GRIK1: variants seen among roughly 807,000 people sequenced by gnomAD.
GRIK1 encodes the protein glutamate ionotropic receptor kainate type subunit 1.
In GRIK1, 69 loss-of-function variants were observed where a neutral mutation model predicts 105.7. The observed-to-expected ratio is 0.65, with a 90% CI of 0.54 to 0.80. The LOEUF (loss-of-function observed/expected upper bound fraction) is 0.80, where lower values mean the gene tolerates loss of function less well. Ranked by LOEUF, GRIK1 falls within the 30% of genes least tolerant of loss-of-function variation. GRIK1 has a pLI of 0.00. For missense variants in GRIK1, 1,109 were observed against 1,167.3 expected (o/e 0.95, Z 0.73); for synonymous variants, 438 against 431.3 (o/e 1.02, Z -0.19).
intron 1 of GRIK1, among the ~76,000 whole-genome samples, chr21:29,819,734 C>A (rs1277441715): frequency 6.6e-6 from 1 of 151,868 alleles, no homozygotes; most frequent in African/African-American, 2.4e-5. Flanking sequence ...AAGGAGCAGT[C>A]AAGACTATTT....
At chr21:29,662,412 A>G (rs937926572) in intron 4 of GRIK1, among the ~76,000 whole-genome samples, 4 of 152,248 alleles carry the variant, frequency 2.6e-5, no homozygotes, top group Non-Finnish European at 5.9e-5. Context: ...TCTAGGGAAA[A>G]TTGGTGGAAA....
intron 1 of GRIK1, among the ~76,000 whole-genome samples, chr21:29,719,380 A>T (rs1413133349): frequency 1.3e-5 from 2 of 152,094 alleles, no homozygotes; most frequent in South Asian, 4.1e-4. Context: ...ATAAGGCAAG[A>T]TCCTAAAACT....
rs1006225781 is a variant in GRIK1, at chr21:29,577,404, G to T, written c.1913-223C>A. Among the ~76,000 whole-genome samples the T allele has an allele frequency of 2.6e-5, 4 of 152,150 alleles. No individual in the cohort carries two copies. The South Asian group carries it at 8.3e-4, about 32-fold the overall frequency. On this transcript the variant is annotated intron_variant, in intron 13 of 17. Transcript: ENST00000327783. Reference sequence around the variant, plus strand: ...AACTATAATTTATCAGTAGCTGATGGTATTAAAACAGTTTTAACCTGGAGG... The same window carrying T: ...AACTATAATTTATCAGTAGCTGATGTTATTAAAACAGTTTTAACCTGGAGG...
chr21:29,898,098 T>G (rs1288055389), intron 1 of GRIK1, among the ~76,000 whole-genome samples: 1 of 152,238 alleles, frequency 6.6e-6, no homozygotes, highest in Non-Finnish European at 1.5e-5. Flanking sequence ...CATGTTCTAA[T>G]AATCTGTTCT....
chr21:29,567,943 C>T (rs181641024), intron 14 of GRIK1, among the ~76,000 whole-genome samples: 113 of 152,250 alleles, frequency 7.4e-4, no homozygotes, highest in Admixed American at 1.2e-3. Context: ...ATGAACACTG[C>T]AGTTGATTAT....
chr21:29,666,882 G>A (rs565750953), intron 4 of GRIK1, among the ~76,000 whole-genome samples: 4 of 152,210 alleles, frequency 2.6e-5, no homozygotes, highest in Non-Finnish European at 5.9e-5. Flanking sequence ...TCCTTTCAAA[G>A]CCTCAGATAA....
chr21:29,814,112 TA>T (rs2067086845), intron 1 of GRIK1, among the ~76,000 whole-genome samples: 7 of 145,340 alleles, frequency 4.8e-5, no homozygotes, highest in Admixed American at 4.2e-4. Flanking sequence ...ATAATAATAA[TA>T]ATTATTATTT....
chr21:29,764,626 G>T (rs377160259), intron 1 of GRIK1, among the ~76,000 whole-genome samples: 1 of 152,108 alleles, frequency 6.6e-6, no homozygotes, highest in South Asian at 2.1e-4. Flanking sequence ...CCTAGGCAAG[G>T]TCAGTAGTGA....
intron 14 of GRIK1, among the ~76,000 whole-genome samples, chr21:29,569,634 A>G (rs1212955608): frequency 6.6e-6 from 1 of 152,224 alleles, no homozygotes; most frequent in Non-Finnish European, 1.5e-5. Flanking sequence ...GATGGTTCAC[A>G]AGGATCATTG....
At chr21:29,621,508 C>G (rs1231484939) in intron 7 of GRIK1, among the ~76,000 whole-genome samples, 1 of 152,130 alleles carries the variant, frequency 6.6e-6, no homozygotes, top group African/African-American at 2.4e-5. Flanking sequence ...AGCTAAAGAT[C>G]CAAATTTGCT....
rs150562995 is a variant in GRIK1, at chr21:29,936,852, T to C, written c.118+2531A>G. 3.3e-3 allele frequency among the ~76,000 whole-genome samples: 497 copies of C among 152,338 alleles called. 3 individuals are homozygous for C. Among genetic ancestry groups the C allele is most frequent in the African/African-American group, 0.011 (474 of 41,568 alleles). ...ACCAGTAATTAATTCATTCAAGCAT[T>C]TGAGTGCCTTCTCTATATGAGGACC... On this transcript the variant is annotated intron_variant, in intron 1 of 17. Transcript: ENST00000327783.
chr21:29,876,665 G>T (rs2069202763), intron 1 of GRIK1, among the ~76,000 whole-genome samples: 1 of 152,096 alleles, frequency 6.6e-6, no homozygotes, highest in Non-Finnish European at 1.5e-5. Context: ...ATGCTTTTAG[G>T]CAGTTTCATC....
chr21:29,931,617 C>A (rs1393852526), intron 1 of GRIK1, among the ~76,000 whole-genome samples: 1 of 152,118 alleles, frequency 6.6e-6, no homozygotes, highest in African/African-American at 2.4e-5. Flanking sequence ...TACTTTCCAG[C>A]ACTATAAGAT....
intron 1 of GRIK1, among the ~76,000 whole-genome samples, chr21:29,751,901 T>C (rs1204180381): frequency 6.6e-6 from 1 of 152,260 alleles, no homozygotes; most frequent in Admixed American, 6.5e-5. Flanking sequence ...CTTTCCTACC[T>C]GCCTGTAACA....
chr21:29,663,883 G>A (rs2063011988), intron 4 of GRIK1, among the ~76,000 whole-genome samples: 1 of 152,178 alleles, frequency 6.6e-6, no homozygotes. Flanking sequence ...TTAGGAAATA[G>A]GAGGGGAAAG....
intron 1 of GRIK1, among the ~76,000 whole-genome samples, chr21:29,773,191 C>T (rs897979567): frequency 1.3e-5 from 2 of 152,126 alleles, no homozygotes; most frequent in East Asian, 3.9e-4. Flanking sequence ...ACAGGGCTCT[C>T]GTCTGCTTTG....
intron 14 of GRIK1, among the ~76,000 whole-genome samples, chr21:29,576,187 T>G (rs546087615): frequency 6.6e-5 from 10 of 152,180 alleles, no homozygotes; most frequent in Non-Finnish European, 1.5e-4. Context: ...ATTGGATCTA[T>G]TAAAATCTAT....
chr21:29,772,160 A>C (rs554415447), intron 1 of GRIK1, among the ~76,000 whole-genome samples: 1 of 152,316 alleles, frequency 6.6e-6, no homozygotes, highest in South Asian at 2.1e-4. Context: ...AATCTTTCGA[A>C]ATGGAAATGT....
At chr21:29,908,157 C>G (rs2070707338) in intron 1 of GRIK1, among the ~76,000 whole-genome samples, 1 of 151,736 alleles carries the variant, frequency 6.6e-6, no homozygotes, top group African/African-American at 2.4e-5. Context: ...ATTTCTATAG[C>G]CGAAAAAAAG....
Sources: gnomAD v4.1 joint callset for allele counts (sites outside exome capture counted in the v4.1 genomes callset) on GRCh38, gnomAD v4.1.1 for gene constraint, MANE v1.5 for transcripts, NCBI Gene and HGNC (gene_info 2026-07-23, HGNC 2026-07-21) for gene names.